UNC5D: variants seen among roughly 807,000 people sequenced by gnomAD.
UNC5D encodes unc-5 netrin receptor D, also known as netrin receptor UNC5D.
In UNC5D, 39 loss-of-function variants were observed where a neutral mutation model predicts 105.4. The ratio of observed to expected loss-of-function variants is 0.37; its 90% CI spans 0.29 to 0.48. The LOEUF is 0.48. Among genes scored for constraint, UNC5D ranks in the 20% least tolerant of loss-of-function variants. UNC5D has a pLI of 0.98. For missense variants in UNC5D, 991 were observed against 1,202.4 expected (o/e 0.82, Z 2.60); for synonymous variants, 452 against 450.4 (o/e 1.00, Z -0.04).
intron 1 of UNC5D, among the ~76,000 whole-genome samples, chr8:35,403,207 C>G (rs1332242184): frequency 6.6e-6 from 1 of 152,184 alleles, no homozygotes; most frequent in Non-Finnish European, 1.5e-5. Flanking sequence ...GCTTGTTGGC[C>G]AGCAACCCTA....
chr8:35,413,570 A>G (rs986366535), intron 1 of UNC5D, among the ~76,000 whole-genome samples: 4 of 151,422 alleles, frequency 2.6e-5, no homozygotes, highest in Non-Finnish European at 5.9e-5. Flanking sequence ...TTGCCCTTTG[A>G]CTTTCTGCTA....
chr8:35,474,195 A>T (rs1032114550), intron 1 of UNC5D, among the ~76,000 whole-genome samples: 1 of 152,194 alleles, frequency 6.6e-6, no homozygotes, highest in African/African-American at 2.4e-5. Flanking sequence ...TTCATTAGAG[A>T]TATTACCAAT....
chr8:35,721,340 A>G (rs1464849265), intron 8 of UNC5D: 1 of 690,532 alleles, frequency 1.4e-6, no homozygotes, highest in Non-Finnish European at 2.6e-6. Flanking sequence ...CATCCAACGC[A>G]CCTCTAGAAA....
chr8:35,525,530 G>A (rs1226597296), intron 1 of UNC5D: 2 of 1,612,232 alleles, frequency 1.2e-6, no homozygotes, highest in African/African-American at 1.3e-5. Flanking sequence ...GTGAAGCTAG[G>A]GGAGGAGGGG....
intron 1 of UNC5D, among the ~76,000 whole-genome samples, chr8:35,507,054 T>C (rs867774316): frequency 3.9e-5 from 5 of 128,616 alleles, no homozygotes; most frequent in Non-Finnish European, 8.0e-5. Flanking sequence ...CTTTTCTTTT[T>C]TTTTTTTTTT....
intron 1 of UNC5D, among the ~76,000 whole-genome samples, chr8:35,375,790 A>G (rs890605006): frequency 6.6e-6 from 1 of 152,194 alleles, no homozygotes; most frequent in African/African-American, 2.4e-5. Flanking sequence ...CTTAGTTCAA[A>G]TGCATTTTTG....
At chr8:35,600,810 C>T (rs956408107) in intron 4 of UNC5D, among the ~76,000 whole-genome samples, 4 of 152,096 alleles carry the variant, frequency 2.6e-5, no homozygotes, top group African/African-American at 9.7e-5. Flanking sequence ...TTAATTAGAT[C>T]CCATTTGTCA....
At chr8:35,572,772 A>G (rs936496268) in intron 3 of UNC5D, among the ~76,000 whole-genome samples, 3 of 150,120 alleles carry the variant, frequency 2.0e-5, no homozygotes, top group Non-Finnish European at 3.0e-5. Flanking sequence ...ATAATTCAGT[A>G]TGGCTGGTAT....
intron 1 of UNC5D, among the ~76,000 whole-genome samples, chr8:35,339,723 C>A (rs951515): frequency 0.44 from 66,131 of 151,976 alleles, 14,658 homozygotes; most frequent in East Asian, 0.7. Context: ...AGCAAGAACT[C>A]CAGAGACAGA....
rs1048900779 is a variant in UNC5D at position 35,792,900 on chromosome 8, A to G, written c.*2337A>G. 2.5e-6 allele frequency: 1 copy of G among 406,168 alleles called. No individual in the cohort carries two copies. The highest frequency in any genetic ancestry group is 2.1e-5 in the African/African-American group (1 of 47,444). The allele number at this position is 406,168 out of a possible 1,614,324, so 25.2% of individuals were successfully genotyped here. A position where few individuals can be genotyped will look rare whatever the true frequency, so the allele number is the denominator to read the frequency against. On this transcript the variant is annotated 3_prime_UTR_variant, in exon 17 of 17. Coordinates refer to ENST00000404895, the MANE Select transcript of UNC5D (RefSeq NM_080872.4). ...TTCTAAATGATTTTCCCTCAAATCTATCTAGATTATTTTAAGATGAGACAA... is the reference window on the plus strand; with the variant it reads ...TTCTAAATGATTTTCCCTCAAATCTGTCTAGATTATTTTAAGATGAGACAA...
chr8:35,265,895 A>C (rs1015119444), intron 1 of UNC5D, among the ~76,000 whole-genome samples: 3 of 149,700 alleles, frequency 2.0e-5, no homozygotes, highest in African/African-American at 7.4e-5. Context: ...TAATAATAAT[A>C]ATAATAATAA....
At chr8:35,252,077 A>G (rs141213104) in intron 1 of UNC5D, among the ~76,000 whole-genome samples, 2,110 of 134,996 alleles carry the variant, frequency 0.016, 56 homozygotes, top group African/African-American at 0.058. Flanking sequence ...GCTGGAGTGC[A>G]GTGGCGCGAT....
chr8:35,750,336 C>G (rs751860139), intron 12 of UNC5D, among the ~76,000 whole-genome samples: 3 of 150,902 alleles, frequency 2.0e-5, no homozygotes, highest in Non-Finnish European at 1.5e-5. Context: ...GGTGATCTGC[C>G]TGCCTCAGCC....
intron 1 of UNC5D, among the ~76,000 whole-genome samples, chr8:35,504,743 G>A (rs1258323193): frequency 1.3e-5 from 2 of 152,166 alleles, no homozygotes; most frequent in Non-Finnish European, 2.9e-5. Flanking sequence ...AATGTTTGAT[G>A]TGTGTAGTCT....
At chr8:35,540,636 G>T (rs1157256530) in intron 1 of UNC5D, among the ~76,000 whole-genome samples, 1 of 152,128 alleles carries the variant, frequency 6.6e-6, no homozygotes, top group Non-Finnish European at 1.5e-5. Flanking sequence ...AAACTGTTAT[G>T]GGAACAGGTG....
chr8:35,489,833 C>G (rs1418925651), intron 1 of UNC5D, among the ~76,000 whole-genome samples: 3 of 152,156 alleles, frequency 2.0e-5, no homozygotes, highest in African/African-American at 7.2e-5. Context: ...TAGGGTATTC[C>G]ATCTACTTTG....
intron 7 of UNC5D, among the ~76,000 whole-genome samples, chr8:35,702,569 G>A (rs1472735469): frequency 1.3e-5 from 2 of 152,054 alleles, no homozygotes; most frequent in Admixed American, 1.3e-4. Flanking sequence ...GTTGATCAAG[G>A]ATGTTCCATG....
chr8:35,507,148 C>T (rs950711262), intron 1 of UNC5D, among the ~76,000 whole-genome samples: 4 of 147,730 alleles, frequency 2.7e-5, no homozygotes, highest in African/African-American at 2.5e-5. Flanking sequence ...CTCCGCCTCC[C>T]GGGTTCACGC....
At chr8:35,554,098 C>A (rs1427892128) in intron 2 of UNC5D, among the ~76,000 whole-genome samples, 1 of 152,138 alleles carries the variant, frequency 6.6e-6, no homozygotes, top group African/African-American at 2.4e-5. Flanking sequence ...ATGCATAGGA[C>A]CTGGGAGTGT....
Sources: allele counts gnomAD v4.1 joint callset (sites outside exome capture counted in the v4.1 genomes callset), GRCh38; gene constraint gnomAD v4.1.1; transcripts MANE v1.5; gene names NCBI Gene and HGNC (gene_info 2026-07-23, HGNC 2026-07-21).